Variants in TBC1D5 observed in about 807,000 individuals in gnomAD.
The protein encoded by TBC1D5 is TBC1 domain family, member 5.
In TBC1D5, 75 loss-of-function variants were observed where a neutral mutation model predicts 100.3. The observed-to-expected ratio is 0.75, with a 90% CI of 0.62 to 0.91. The LOEUF is 0.91. TBC1D5 is among the 40% of genes least tolerant of loss of function. The pLI, the probability that TBC1D5 is intolerant of heterozygous loss-of-function variation, is 0.00. For missense variants in TBC1D5, 910 were observed against 942.4 expected (o/e 0.97, Z 0.45); for synonymous variants, 323 against 325.6 (o/e 0.99, Z 0.09).
exon 18 of TBC1D5, chr3:17,214,225 A>C: frequency 6.2e-7 from 1 of 1,611,850 alleles, no homozygotes; most frequent in Non-Finnish European, 8.5e-7. Context: ...TTCTGCCCAT[A>C]GTTTTGCTGT....
intron 9 of TBC1D5, among the ~76,000 whole-genome samples, chr3:17,382,950 A>G (rs1575617199): frequency 6.6e-6 from 1 of 152,064 alleles, no homozygotes; most frequent in Admixed American, 6.6e-5. Context: ...TAAATGCAAT[A>G]TATTTTTCAT....
intron 3 of TBC1D5, among the ~76,000 whole-genome samples, chr3:17,475,913 C>T (rs1290337050): frequency 6.6e-6 from 1 of 152,084 alleles, no homozygotes; most frequent in African/African-American, 2.4e-5. Context: ...CACACGGTGG[C>T]AAACTCACAT....
At chr3:17,227,852 GT>G (rs34995201) in intron 17 of TBC1D5, among the ~76,000 whole-genome samples, 52,521 of 139,004 alleles carry the variant, frequency 0.38, 9,662 homozygotes, top group African/African-American at 0.42. Context: ...TAAAATAAAA[GT>G]TTTTTTTTTT....
At chr3:17,384,119 A>G (rs2152241381) in intron 8 of TBC1D5, 104 bp from the exon 9 acceptor site, 1 of 976,756 alleles carries the variant, frequency 1.0e-6, no homozygotes, top group Non-Finnish European at 1.5e-6. Flanking sequence ...AGGTTTTAGA[A>G]CAAGCCTGTG....
intron 1 of TBC1D5, among the ~76,000 whole-genome samples, chr3:17,653,284 T>G (rs898292014): frequency 6.6e-6 from 1 of 152,248 alleles, no homozygotes; most frequent in Non-Finnish European, 1.5e-5. Flanking sequence ...TTATATGAAT[T>G]TTATGTTATG....
chr3:17,480,455 C>G (rs942857495), intron 3 of TBC1D5, among the ~76,000 whole-genome samples: 10 of 152,196 alleles, frequency 6.6e-5, no homozygotes, highest in African/African-American at 2.4e-4. Context: ...CTTGGACGAA[C>G]CAGCATGTAC....
At chr3:17,375,496 G>T (rs923280411) in intron 10 of TBC1D5, among the ~76,000 whole-genome samples, 1 of 151,840 alleles carries the variant, frequency 6.6e-6, no homozygotes, top group Non-Finnish European at 1.5e-5. Context: ...GAACCCGTAA[G>T]GCAGAGGTTG....
At chr3:17,561,433 G>C (rs1001009969) in intron 2 of TBC1D5, among the ~76,000 whole-genome samples, 21 of 152,094 alleles carry the variant, frequency 1.4e-4, no homozygotes, top group Non-Finnish European at 3.1e-4. Flanking sequence ...CTTATCTTAA[G>C]AAGATTATAA....
chr3:17,484,490 T>TGTGTGTGTGTGTGTG (rs2095536962), intron 3 of TBC1D5, among the ~76,000 whole-genome samples: 2 of 99,408 alleles, frequency 2.0e-5, no homozygotes, highest in Non-Finnish European at 2.0e-5. Context: ...GTGTGTGTGT[T>TGTGTGTGTGTGTGTG]TGGGTAACAA....
At chr3:17,172,660 C>T (rs1242240330) in intron 19 of TBC1D5, among the ~76,000 whole-genome samples, 6 of 152,218 alleles carry the variant, frequency 3.9e-5, no homozygotes, top group Non-Finnish European at 8.8e-5. Flanking sequence ...ATCTCATTCA[C>T]CTAACAATCC....
intron 2 of TBC1D5, among the ~76,000 whole-genome samples, chr3:17,565,023 C>G (rs866547097): frequency 9.5e-6 from 1 of 104,772 alleles, no homozygotes; most frequent in South Asian, 2.7e-4. Context: ...CAAAAAACCT[C>G]TGTTCTTTAA....
intron 13 of TBC1D5, among the ~76,000 whole-genome samples, chr3:17,310,341 G>A (rs960675670): frequency 1.2e-4 from 19 of 152,016 alleles, no homozygotes; most frequent in African/African-American, 4.6e-4. Flanking sequence ...TACACACAAT[G>A]CATGTCTTTA....
At chr3:17,267,950 TAGTAA>T (rs1262597506) in intron 15 of TBC1D5, among the ~76,000 whole-genome samples, 1 of 152,148 alleles carries the variant, frequency 6.6e-6, no homozygotes, top group Admixed American at 6.5e-5. Flanking sequence ...TGAATCTTAT[TAGTAA>T]AAAGTGAAAT....
chr3:17,437,745 A>G (rs1363157494), intron 3 of TBC1D5, among the ~76,000 whole-genome samples: 2 of 151,670 alleles, frequency 1.3e-5, no homozygotes, highest in Non-Finnish European at 2.9e-5. Context: ...AGAGATTGAG[A>G]TATTTGTGGG....
At chr3:17,263,423 A>G (rs2078540853) in intron 15 of TBC1D5, among the ~76,000 whole-genome samples, 1 of 152,094 alleles carries the variant, frequency 6.6e-6, no homozygotes, top group Admixed American at 6.5e-5. Context: ...AGAAAAAAGA[A>G]AAGTACAGAA....
chr3:17,712,664 T>C (rs1032970269), intron 1 of TBC1D5, among the ~76,000 whole-genome samples: 15 of 152,234 alleles, frequency 9.9e-5, no homozygotes, highest in African/African-American at 3.6e-4. Context: ...AGGCCCACCA[T>C]TGGAGCAGAA....
intron 1 of TBC1D5, among the ~76,000 whole-genome samples, chr3:17,660,131 T>A (rs2066495895): frequency 6.6e-6 from 1 of 152,204 alleles, no homozygotes. Context: ...CCCAAGCAAC[T>A]ACAAAATACC....
At chr3:17,393,055 G>A (rs1458026274) in intron 8 of TBC1D5, among the ~76,000 whole-genome samples, 1 of 131,898 alleles carries the variant, frequency 7.6e-6, no homozygotes, top group Non-Finnish European at 1.5e-5. Flanking sequence ...CATTCTAACT[G>A]GTGTGTGATG....
chr3:17,595,234 T>TTA (rs1242228733), intron 2 of TBC1D5, among the ~76,000 whole-genome samples: 7 of 152,158 alleles, frequency 4.6e-5, no homozygotes, highest in Non-Finnish European at 1.0e-4. Flanking sequence ...AACCTCCCCT[T>TTA]TATATATATA....
Sources: allele counts gnomAD v4.1 joint callset (sites outside exome capture counted in the v4.1 genomes callset), GRCh38; gene constraint gnomAD v4.1.1; transcripts MANE v1.5; gene names NCBI Gene and HGNC (gene_info 2026-07-23, HGNC 2026-07-21).